AGPAT4: variants seen among roughly 807,000 people sequenced by gnomAD.
AGPAT4 encodes 1-acylglycerol-3-phosphate O-acyltransferase 4.
AGPAT4 carries 15 observed loss-of-function variants against 48.0 expected under a neutral mutation model. That is an observed-to-expected ratio of 0.31 (90% CI 0.21 to 0.48). AGPAT4 has a LOEUF of 0.48. Ranked by LOEUF, AGPAT4 falls within the 20% of genes least tolerant of loss-of-function variation. The probability of loss-of-function intolerance (pLI) is 0.99; values close to 1 mark genes in which losing one functional copy is unlikely to be tolerated. For synonymous variants in AGPAT4, 178 were observed against 198.7 expected (o/e 0.90, Z 0.88); for missense variants, 314 against 482.5 (o/e 0.65, Z 3.27).
chr6:161,218,079 T>C lies in AGPAT4; in HGVS notation c.178+13957A>G, dbSNP rs1440109704. 6.6e-6 allele frequency among the ~76,000 whole-genome samples: 1 copy of C among 152,188 alleles called. No homozygotes were observed. Among genetic ancestry groups the C allele is most frequent in the Admixed American group, 6.5e-5 (1 of 15,284 alleles). ...ATGGCTGGTGTCTGTGTCTGATGAG[T>C]TGGTGCCTTGTTCTTCTGGCAAGAG... On this transcript the variant is annotated intron_variant, in intron 2 of 8. Transcript: ENST00000320285. The surrounding 1 kb of genome is among the most constrained non-coding windows in gnomAD (Gnocchi z 4.7).
Position 161,200,350 on chromosome 6 carries a change from G to C in AGPAT4, c.178+31686C>G, listed in dbSNP as rs1001417702. ...GCCTGTGTGCCAGGTACTATAGGAAGGGATGCACAGTAAATGATGGAGTGC... is the reference window on the plus strand; with the variant it reads ...GCCTGTGTGCCAGGTACTATAGGAACGGATGCACAGTAAATGATGGAGTGC... On this transcript the variant is annotated intron_variant, in intron 2 of 8. Coordinates refer to ENST00000320285, the MANE Select transcript of AGPAT4 (RefSeq NM_020133.3). This position sits in a 1 kb window ranked among gnomAD's most constrained non-coding sequence, Gnocchi z 5.5. Among the ~76,000 whole-genome samples the C allele has an allele frequency of 6.6e-6, 1 of 152,190 alleles. No individual in the cohort carries two copies. The highest frequency in any genetic ancestry group is 1.5e-5 in the Non-Finnish European group (1 of 68,032).
intron 1 of AGPAT4, among the ~76,000 whole-genome samples, chr6:161,241,742 T>A (rs906740834): frequency 6.6e-6 from 1 of 152,214 alleles, no homozygotes; most frequent in Non-Finnish European, 1.5e-5. Context: ...TTTGTTTTTG[T>A]TTGTTTTTGA....
In AGPAT4 at chr6:161,226,593, C is replaced by T. The variant is rs1465492918; in HGVS notation, c.178+5443G>A. On this transcript the variant is annotated intron_variant, in intron 2 of 8. Transcript: ENST00000320285. The surrounding 1 kb of genome is among the most constrained non-coding windows in gnomAD (Gnocchi z 6.3). ...AAGTTGACAAACATCAGGAAGCTGC[C>T]GCCCTCCATCTTCTCTCACTTCTCA... 2.0e-5 allele frequency among the ~76,000 whole-genome samples: 3 copies of T among 152,172 alleles called. No homozygotes were observed. The highest frequency in any genetic ancestry group is 7.2e-5 in the African/African-American group (3 of 41,452).
At position 161,212,068 on chromosome 6, in the gene AGPAT4, A is replaced by G. The variant is rs1781535824; in HGVS notation, c.178+19968T>C. Among the ~76,000 whole-genome samples, 2 of 152,198 alleles carry G rather than the reference A, an allele frequency of 1.3e-5. No homozygotes were observed. The highest frequency in any genetic ancestry group is 4.1e-4 in the South Asian group (2 of 4,824). On this transcript the variant is annotated intron_variant, in intron 2 of 8. Coordinates refer to ENST00000320285, the MANE Select transcript of AGPAT4 (RefSeq NM_020133.3). The surrounding 1 kb of genome is among the most constrained non-coding windows in gnomAD (Gnocchi z 6.1). Reference sequence around the variant, plus strand: ...GGGCACACTGATGCAAGACTAGCATATGGGCCCCTGTGTCAAATTAACAAA... The same window carrying G: ...GGGCACACTGATGCAAGACTAGCATGTGGGCCCCTGTGTCAAATTAACAAA...
At position 161,197,445 on chromosome 6, in the gene AGPAT4, C is replaced by T. The variant is rs1005147173; in HGVS notation, c.179-31028G>A. 6.6e-6 allele frequency among the ~76,000 whole-genome samples: 1 copy of T among 152,170 alleles called. No individual in the cohort carries two copies. Among genetic ancestry groups the T allele is most frequent in the Non-Finnish European group, 1.5e-5 (1 of 68,034 alleles). ...AACATCTAAACCTAGTTGGCCCCTC[C>T]TCTGGGAAATCTTCCACAGTGATAG... On this transcript the variant is annotated intron_variant, in intron 2 of 8. Coordinates refer to ENST00000320285, the MANE Select transcript of AGPAT4 (RefSeq NM_020133.3). This position sits in a 1 kb window ranked among gnomAD's most constrained non-coding sequence, Gnocchi z 5.7.
At chr6:161,237,333 G>A (rs1451201355) in intron 1 of AGPAT4, among the ~76,000 whole-genome samples, 1 of 152,220 alleles carries the variant, frequency 6.6e-6, no homozygotes, top group Non-Finnish European at 1.5e-5. Context: ...TTGGCTATGA[G>A]TCTGTGTGAA....
In AGPAT4 at chr6:161,138,501, G is replaced by C. The variant is rs540770098; in HGVS notation, c.1042+921C>G. 6.6e-6 allele frequency among the ~76,000 whole-genome samples: 1 copy of C among 152,170 alleles called. No individual in the cohort carries two copies. Among genetic ancestry groups the C allele is most frequent in the Non-Finnish European group, 1.5e-5 (1 of 68,042 alleles). ...ATATGCTTGAGACTGGAACCACCAC[G>C]TGCATCAAATTGTCATTAACGATTA... On this transcript the variant is annotated intron_variant, in intron 8 of 8. Transcript: ENST00000320285. The surrounding 1 kb of genome is among the most constrained non-coding windows in gnomAD (Gnocchi z 4.8).
At position 161,220,445 on chromosome 6, in the gene AGPAT4, G is replaced by A. The variant is rs899298763; in HGVS notation, c.178+11591C>T. 1.3e-5 allele frequency among the ~76,000 whole-genome samples: 2 copies of A among 152,170 alleles called. No individual in the cohort carries two copies. The highest frequency in any genetic ancestry group is 3.9e-4 in the East Asian group (2 of 5,194). ...GGAGAGGCAGATAGACAGCTTCCTCGATACTTCAGATTAAAAACCCTAGAA... is the reference window on the plus strand; with the variant it reads ...GGAGAGGCAGATAGACAGCTTCCTCAATACTTCAGATTAAAAACCCTAGAA... On this transcript the variant is annotated intron_variant, in intron 2 of 8. Transcript: ENST00000320285. The surrounding 1 kb of genome is among the most constrained non-coding windows in gnomAD (Gnocchi z 6.0).
In AGPAT4 at chr6:161,134,379, T is replaced by C. The variant is rs943380359; in HGVS notation, c.*2161A>G. Reference sequence around the variant, plus strand: ...GAACTTACTTAGATTACTTCTGTGTTGAATGGAAGAATGAAAATGAGAAAA... The same window carrying C: ...GAACTTACTTAGATTACTTCTGTGTCGAATGGAAGAATGAAAATGAGAAAA... On this transcript the variant is annotated 3_prime_UTR_variant, in exon 9 of 9. Transcript: ENST00000320285. 2.0e-5 allele frequency: 3 copies of C among 152,150 alleles called. No individual in the cohort carries two copies. The highest frequency in any genetic ancestry group is 1.3e-4 in the Admixed American group (2 of 15,280). 9.4% of individuals were successfully genotyped at this position (152,150 alleles called of 1,614,324 possible). A position where few individuals can be genotyped will look rare whatever the true frequency, so the allele number is the denominator to read the frequency against.
chr6:161,252,571 C>A (rs1782832577), intron 1 of AGPAT4, among the ~76,000 whole-genome samples: 1 of 152,180 alleles, frequency 6.6e-6, no homozygotes, highest in Admixed American at 6.5e-5. Flanking sequence ...CGCCTATAGT[C>A]CCAGCACTCT....
rs1490871946 is a variant in AGPAT4 at position 161,140,394 on chromosome 6, A to G, written c.844-774T>C. Among the ~76,000 whole-genome samples, 2 of 152,222 alleles carry G rather than the reference A, an allele frequency of 1.3e-5. No homozygotes were observed. The highest frequency in any genetic ancestry group is 2.4e-5 in the African/African-American group (1 of 41,462). On this transcript the variant is annotated intron_variant, in intron 7 of 8. Coordinates refer to ENST00000320285, the MANE Select transcript of AGPAT4 (RefSeq NM_020133.3). This position sits in a 1 kb window ranked among gnomAD's most constrained non-coding sequence, Gnocchi z 6.5. ...CATGTACTCATCCACATCCACCCAC[A>G]GGGTGTGTGTGTCACCGAGCAGCTT...
intron 2 of AGPAT4, among the ~76,000 whole-genome samples, chr6:161,183,142 T>C (rs889752478): frequency 1.3e-5 from 2 of 152,252 alleles, no homozygotes; most frequent in South Asian, 2.1e-4. Flanking sequence ...TCCAAGACCA[T>C]GAAGCCACAA....
Position 161,141,564 on chromosome 6 carries a change from G to A in AGPAT4, c.844-1944C>T, listed in dbSNP as rs112605147. 2.0e-5 allele frequency among the ~76,000 whole-genome samples: 3 copies of A among 151,856 alleles called. No individual in the cohort carries two copies. The highest frequency in any genetic ancestry group is 7.3e-5 in the African/African-American group (3 of 41,350). On this transcript the variant is annotated intron_variant, in intron 7 of 8. Coordinates refer to ENST00000320285, the MANE Select transcript of AGPAT4 (RefSeq NM_020133.3). This position sits in a 1 kb window ranked among gnomAD's most constrained non-coding sequence, Gnocchi z 6.7. The stretch of plus-strand genomic sequence containing the variant: ...CACCTGATAACTAGACAAGGGGGGT[G>A]ATATTTTTGTGCCTTGTTTTTTTTT...
In AGPAT4 at chr6:161,197,347, T is replaced by C. The variant is rs554943783; in HGVS notation, c.179-30930A>G. On this transcript the variant is annotated intron_variant, in intron 2 of 8. Transcript: ENST00000320285. This position sits in a 1 kb window ranked among gnomAD's most constrained non-coding sequence, Gnocchi z 5.7. Reference sequence around the variant, plus strand: ...TGGGAAATACTGCTCTAAGTGATTCTTGATGGAGTAAGTACACCTGCTTAT... The same window carrying C: ...TGGGAAATACTGCTCTAAGTGATTCCTGATGGAGTAAGTACACCTGCTTAT... Among the ~76,000 whole-genome samples, 3 of 152,312 alleles carry C rather than the reference T, an allele frequency of 2.0e-5. No individual in the cohort carries two copies. Among genetic ancestry groups the C allele is most frequent in the South Asian group, 4.1e-4 (2 of 4,820 alleles).
At position 161,270,567 on chromosome 6, in the gene AGPAT4, G is replaced by A. The variant is rs981172402; in HGVS notation, c.-90+3371C>T. ...GTGCATCACCTGAGGTCAGGAGTTC[G>A]AGACCAGCCTGGCCAATACAGTGAA... On this transcript the variant is annotated intron_variant, in intron 1 of 8. Transcript: ENST00000320285. The surrounding 1 kb of genome is among the most constrained non-coding windows in gnomAD (Gnocchi z 5.3). 1.3e-5 allele frequency among the ~76,000 whole-genome samples: 2 copies of A among 152,212 alleles called. No homozygotes were observed. The highest frequency in any genetic ancestry group is 1.9e-4 in the East Asian group (1 of 5,180).
rs1778990055 is a variant in AGPAT4 at position 161,134,199 on chromosome 6, C to CTT, written c.*2339_*2340dup. The CTT allele has an allele frequency of 6.6e-6, 1 of 152,206 alleles. No homozygotes were observed. The highest frequency in any genetic ancestry group is 2.4e-5 in the African/African-American group (1 of 41,440). 9.4% of individuals were successfully genotyped at this position (152,206 alleles called of 1,614,324 possible). On this transcript the variant is annotated 3_prime_UTR_variant, in exon 9 of 9. Transcript: ENST00000320285. ...AAGGCAATTCAAAACTTGGCGCTCA[C>CTT]TTAGTTATTTCCTAAGAGATTTCTG...
In AGPAT4 at chr6:161,142,328, C is replaced by T. The variant is rs1278609779; in HGVS notation, c.844-2708G>A. On this transcript the variant is annotated intron_variant, in intron 7 of 8. Transcript: ENST00000320285. This position sits in a 1 kb window ranked among gnomAD's most constrained non-coding sequence, Gnocchi z 6.4. ...TGGCAGCAGAATGTCCGTGGCCCAT[C>T]TTGGTTGTGGACCCGTTTTGTAATA... Among the ~76,000 whole-genome samples the T allele has an allele frequency of 6.6e-6, 1 of 152,188 alleles. No individual in the cohort carries two copies. The highest frequency in any genetic ancestry group is 2.4e-5 in the African/African-American group (1 of 41,440).
Position 161,267,763 on chromosome 6 carries a change from G to A in AGPAT4, c.-90+6175C>T, listed in dbSNP as rs1241917426. ...AGAAAAATATTAGCTGGGCATGTTAGTACACACCTGTAGTCCCAGCTACTT... is the reference window on the plus strand; with the variant it reads ...AGAAAAATATTAGCTGGGCATGTTAATACACACCTGTAGTCCCAGCTACTT... On this transcript the variant is annotated intron_variant, in intron 1 of 8. Coordinates refer to ENST00000320285, the MANE Select transcript of AGPAT4 (RefSeq NM_020133.3). The surrounding 1 kb of genome is among the most constrained non-coding windows in gnomAD (Gnocchi z 5.2). Among the ~76,000 whole-genome samples, 4 of 152,082 alleles carry A rather than the reference G, an allele frequency of 2.6e-5. No homozygotes were observed. Among genetic ancestry groups the A allele is most frequent in the Non-Finnish European group, 4.4e-5 (3 of 68,006 alleles).
intron 2 of AGPAT4, among the ~76,000 whole-genome samples, chr6:161,186,277 C>A (rs1217547702): frequency 6.6e-6 from 1 of 152,154 alleles, no homozygotes; most frequent in Non-Finnish European, 1.5e-5. Flanking sequence ...CATTTCTTAG[C>A]CTACAAATCT....
Sources: gnomAD v4.1 joint callset for allele counts (sites outside exome capture counted in the v4.1 genomes callset) on GRCh38, gnomAD v4.1.1 for gene constraint, Gnocchi (gnomAD v3.1) non-coding constraint, MANE v1.5 for transcripts, NCBI Gene and HGNC (gene_info 2026-07-23, HGNC 2026-07-21) for gene names.